MIPOL1: variants seen among roughly 807,000 people sequenced by gnomAD.
The protein encoded by MIPOL1 is mirror-image polydactyly 1.
In MIPOL1, 57 loss-of-function variants were observed where a neutral mutation model predicts 60.9. The observed-to-expected ratio is 0.94, with a 90% CI of 0.76 to 1.17. The LOEUF is 1.17. Ranked by LOEUF, MIPOL1 falls within the 50% of genes most tolerant of loss-of-function variation. The pLI is 0.00. For synonymous variants in MIPOL1, 179 were observed against 168.8 expected (o/e 1.06, Z -0.47); for missense variants, 551 against 511.6 (o/e 1.08, Z -0.74).
At chr14:37,533,063 C>T (rs1169587191) in intron 12 of MIPOL1, among the ~76,000 whole-genome samples, 1 of 151,956 alleles carries the variant, frequency 6.6e-6, no homozygotes, top group Non-Finnish European at 1.5e-5. Flanking sequence ...TGATATTATA[C>T]TAATTAAATA....
At chr14:37,456,294 A>T (rs939020657) in intron 11 of MIPOL1, among the ~76,000 whole-genome samples, 5 of 152,038 alleles carry the variant, frequency 3.3e-5, no homozygotes, top group Admixed American at 3.3e-4. Context: ...ATATTCCTCA[A>T]CCTAAATAAA....
At chr14:37,285,511 G>A in intron 7 of MIPOL1, 64 bp downstream of exon 7, 1 of 1,502,204 alleles carries the variant, frequency 6.7e-7, no homozygotes, top group South Asian at 1.3e-5. Context: ...GCTTTAGGTG[G>A]TAGTTACATA....
At chr14:37,492,848 A>G (rs1157073197) in intron 11 of MIPOL1, among the ~76,000 whole-genome samples, 2 of 152,114 alleles carry the variant, frequency 1.3e-5, no homozygotes, top group African/African-American at 4.8e-5. Flanking sequence ...ACTAAATGCT[A>G]GTACCATCTC....
At chr14:37,361,674 C>T (rs1270222201) in intron 9 of MIPOL1, among the ~76,000 whole-genome samples, 1 of 132,536 alleles carries the variant, frequency 7.5e-6, no homozygotes, top group Non-Finnish European at 1.6e-5. Flanking sequence ...GGCTCGATTT[C>T]GGCCCAATGC....
At chr14:37,512,530 A>G (rs1010889183) in intron 12 of MIPOL1, among the ~76,000 whole-genome samples, 3 of 150,412 alleles carry the variant, frequency 2.0e-5, no homozygotes, top group African/African-American at 2.4e-5. Flanking sequence ...TAGATTTTTT[A>G]CTTTTGTTGC....
At position 37,547,507 on chromosome 14, in the gene MIPOL1, GAT is replaced by G. The variant is rs2095551268; in HGVS notation, c.*539_*540del. On this transcript the variant is annotated 3_prime_UTR_variant, in exon 13 of 13. Coordinates refer to ENST00000684589, the MANE Select transcript of MIPOL1 (RefSeq NM_001388067.1). Reference sequence around the variant, plus strand: ...GTATGTAATCTTTGTTAGTATAAAAGATATTAAATATAGGTGCCAAGAATTAA... The same window carrying G: ...GTATGTAATCTTTGTTAGTATAAAAGATTAAATATAGGTGCCAAGAATTAA... 1 of 152,532 alleles carries G rather than the reference GAT, an allele frequency of 6.6e-6. No individual in the cohort carries two copies. Among genetic ancestry groups the G allele is most frequent in the Non-Finnish European group, 1.5e-5 (1 of 68,032 alleles). The allele number at this position is 152,532 out of a possible 1,614,324, so 9.4% of individuals were successfully genotyped here.
At chr14:37,364,588 GT>G (rs1238211426) in intron 9 of MIPOL1, among the ~76,000 whole-genome samples, 1 of 152,032 alleles carries the variant, frequency 6.6e-6, no homozygotes, top group African/African-American at 2.4e-5. Flanking sequence ...TGGTCTATGT[GT>G]TTTTATGTCA....
chr14:37,347,435 T>C (rs1264271117), intron 9 of MIPOL1, among the ~76,000 whole-genome samples: 1 of 152,150 alleles, frequency 6.6e-6, no homozygotes, highest in African/African-American at 2.4e-5. Context: ...TGATAGATGC[T>C]CAGAATTCAC....
At chr14:37,291,700 G>A (rs1484102741) in intron 7 of MIPOL1, among the ~76,000 whole-genome samples, 2 of 151,970 alleles carry the variant, frequency 1.3e-5, no homozygotes, top group Non-Finnish European at 1.5e-5. Context: ...AGTTCTGGAG[G>A]CTTGAAATCC....
chr14:37,282,238 A>ATAT (rs71124802), intron 6 of MIPOL1, among the ~76,000 whole-genome samples: 11,619 of 146,238 alleles, frequency 0.079, 697 homozygotes, highest in East Asian at 0.27. Flanking sequence ...TATTGCAGTA[A>ATAT]TATTATTATT....
intron 11 of MIPOL1, among the ~76,000 whole-genome samples, chr14:37,447,136 C>T (rs1391372793): frequency 6.6e-6 from 1 of 151,810 alleles, no homozygotes; most frequent in African/African-American, 2.4e-5. Flanking sequence ...GTCAGTTTAT[C>T]TTCAACAATG....
At chr14:37,390,927 C>T (rs1052360492) in intron 10 of MIPOL1, among the ~76,000 whole-genome samples, 2 of 151,900 alleles carry the variant, frequency 1.3e-5, no homozygotes, top group Non-Finnish European at 2.9e-5. Context: ...TCTTGAAGCT[C>T]TTAAGTACAC....
chr14:37,397,358 A>T (rs1200299414), intron 10 of MIPOL1, among the ~76,000 whole-genome samples: 1 of 132,514 alleles, frequency 7.5e-6, no homozygotes, highest in Non-Finnish European at 1.6e-5. Context: ...GGATACCAGC[A>T]CCTGTTCCAG....
At chr14:37,365,788 GTTC>G (rs1330867570) in intron 9 of MIPOL1, among the ~76,000 whole-genome samples, 1 of 152,020 alleles carries the variant, frequency 6.6e-6, no homozygotes, top group African/African-American at 2.4e-5. Flanking sequence ...ATTGGTATTT[GTTC>G]TTCTATAAAT....
intron 12 of MIPOL1, among the ~76,000 whole-genome samples, chr14:37,521,055 G>A (rs1006717808): frequency 5.4e-5 from 8 of 147,558 alleles, no homozygotes; most frequent in African/African-American, 2.0e-4. Flanking sequence ...TCCTGCCTCA[G>A]CCTTCAGAGT....
At chr14:37,404,832 A>G (rs773199745) in intron 10 of MIPOL1, among the ~76,000 whole-genome samples, 3 of 152,194 alleles carry the variant, frequency 2.0e-5, no homozygotes, top group Non-Finnish European at 2.9e-5. Flanking sequence ...CTGTTGACTA[A>G]TAAGGATAGT....
intron 3 of MIPOL1, chr14:37,265,397 G>A (rs930893490): frequency 5.9e-5 from 9 of 152,156 alleles, no homozygotes; most frequent in African/African-American, 1.9e-4. Flanking sequence ...CTGTACTAGA[G>A]AGTCTTTGAG....
At chr14:37,316,321 A>C (rs1343939867) in intron 9 of MIPOL1, among the ~76,000 whole-genome samples, 1 of 152,016 alleles carries the variant, frequency 6.6e-6, no homozygotes, top group Non-Finnish European at 1.5e-5. Context: ...GTGAGCCACC[A>C]TGCCCAGCCA....
intron 11 of MIPOL1, among the ~76,000 whole-genome samples, chr14:37,478,710 G>C (rs193032002): frequency 6.6e-6 from 1 of 152,150 alleles, no homozygotes; most frequent in African/African-American, 2.4e-5. Context: ...GAAAGTGAAA[G>C]GATAGAAAAA....
Sources: allele counts gnomAD v4.1 joint callset (sites outside exome capture counted in the v4.1 genomes callset), GRCh38; gene constraint gnomAD v4.1.1; transcripts MANE v1.5; gene names NCBI Gene and HGNC (gene_info 2026-07-23, HGNC 2026-07-21).